Variants in PTPRT observed in about 807,000 individuals in gnomAD.
The protein encoded by PTPRT is protein tyrosine phosphatase receptor type T.
Under a neutral mutation model 176.8 loss-of-function variants are expected in PTPRT, and 56 were observed. That is an observed-to-expected ratio of 0.32 (90% CI 0.26 to 0.40). The LOEUF is 0.40. Ranked by LOEUF, PTPRT falls within the 10% of genes least tolerant of loss-of-function variation. The pLI, the probability that PTPRT is intolerant of heterozygous loss-of-function variation, is 1.00. For synonymous variants in PTPRT, 783 were observed against 739.0 expected, an observed-to-expected ratio of 1.06 and a Z score of -0.96; for missense variants, 1,540 against 1,908.2, an observed-to-expected ratio of 0.81 and a Z score of 3.60.
chr20:42,514,715 A>G (rs985949989), intron 7 of PTPRT, among the ~76,000 whole-genome samples: 2 of 152,226 alleles, frequency 1.3e-5, no homozygotes, highest in African/African-American at 4.8e-5. Context: ...CCTTTTATAA[A>G]TAAGACATTT....
chr20:42,966,487 C>G (rs532708104), intron 1 of PTPRT: 2 of 152,172 alleles, frequency 1.3e-5, no homozygotes, highest in Non-Finnish European at 2.9e-5. Flanking sequence ...CCATCCATTT[C>G]CCCCAGAGAC....
chr20:42,352,719 T>A (rs952197607), intron 9 of PTPRT, among the ~76,000 whole-genome samples: 2 of 152,234 alleles, frequency 1.3e-5, no homozygotes, highest in African/African-American at 4.8e-5. Flanking sequence ...TAAAAGGGTA[T>A]AATTGGATTG....
At chr20:42,642,400 A>T (rs150481679) in intron 7 of PTPRT, among the ~76,000 whole-genome samples, 1 of 152,210 alleles carries the variant, frequency 6.6e-6, no homozygotes, top group Admixed American at 6.5e-5. Context: ...CCTGAGTCTC[A>T]GTGACTTATT....
At chr20:43,181,524 T>C (rs779323865) in intron 1 of PTPRT, among the ~76,000 whole-genome samples, 2 of 152,212 alleles carry the variant, frequency 1.3e-5, no homozygotes, top group Non-Finnish European at 2.9e-5. Flanking sequence ...AGCTTCTCAG[T>C]AATACTCACT....
chr20:42,759,403 C>T (rs148900347), intron 5 of PTPRT, among the ~76,000 whole-genome samples: 189 of 152,318 alleles, frequency 1.2e-3, no homozygotes, highest in African/African-American at 4.2e-3. Context: ...TGGTGGCTCA[C>T]GCCTGTAATC....
At chr20:43,084,289 T>G (rs1449248728) in intron 1 of PTPRT, among the ~76,000 whole-genome samples, 2 of 152,202 alleles carry the variant, frequency 1.3e-5, no homozygotes, top group Non-Finnish European at 2.9e-5. Flanking sequence ...TTCACATTGC[T>G]ATGAAGACAT....
intron 9 of PTPRT, among the ~76,000 whole-genome samples, chr20:42,433,809 T>C (rs776370166): frequency 7.2e-5 from 11 of 152,172 alleles, no homozygotes; most frequent in Non-Finnish European, 1.2e-4. Flanking sequence ...CGCATGTGAA[T>C]GCCACTGCCT....
At chr20:42,225,386 T>C (rs1485512089) in intron 15 of PTPRT, among the ~76,000 whole-genome samples, 1 of 152,150 alleles carries the variant, frequency 6.6e-6, no homozygotes, top group East Asian at 1.9e-4. Context: ...TCCCATGAAT[T>C]GAACACTACC....
intron 18 of PTPRT, among the ~76,000 whole-genome samples, chr20:42,140,435 C>G (rs995796622): frequency 1.3e-5 from 2 of 152,304 alleles, no homozygotes; most frequent in South Asian, 4.1e-4. Context: ...ACTTTGAAGG[C>G]TGTACCTACG....
At chr20:43,058,215 A>T (rs1177340832) in intron 1 of PTPRT, among the ~76,000 whole-genome samples, 2 of 152,118 alleles carry the variant, frequency 1.3e-5, no homozygotes, top group Non-Finnish European at 2.9e-5. Context: ...TAAAAAAAGT[A>T]AGAGGGGAGG....
At chr20:42,844,394 C>T (rs895785610) in intron 2 of PTPRT, among the ~76,000 whole-genome samples, 2 of 152,312 alleles carry the variant, frequency 1.3e-5, no homozygotes, top group Admixed American at 6.5e-5. Flanking sequence ...AAGCTCCCAC[C>T]GCCATAGCAT....
rs539596397 is a variant in PTPRT, at chr20:42,379,406, G to A, written c.1561-27121C>T. On this transcript the variant is annotated intron_variant, in intron 9 of 30. Coordinates refer to ENST00000373187, the MANE Select transcript of PTPRT (RefSeq NM_007050.6). ...ACAGAAGAGGAAAACAAAGAAAAAT[G>A]AGTGGGAGTGCCTTGGTATAACTAT... Among the ~76,000 whole-genome samples, 9 of 152,350 alleles carry A rather than the reference G, an allele frequency of 5.9e-5. No individual in the cohort carries two copies. The South Asian group carries it at 1.9e-3, about 32-fold the overall frequency.
intron 1 of PTPRT, among the ~76,000 whole-genome samples, chr20:43,056,118 C>G (rs927547842): frequency 7.2e-5 from 11 of 152,072 alleles, no homozygotes; most frequent in African/African-American, 2.4e-4. Context: ...AAAACCTGAA[C>G]TCTTGGGTCC....
At chr20:42,621,857 A>C (rs1405997123) in intron 7 of PTPRT, among the ~76,000 whole-genome samples, 4 of 152,148 alleles carry the variant, frequency 2.6e-5, no homozygotes, top group Admixed American at 6.5e-5. Flanking sequence ...CCTACATCCA[A>C]TAATAGTTAT....
chr20:43,132,194 A>G lies in PTPRT; in HGVS notation c.88+57452T>C, dbSNP rs575667110. Among the ~76,000 whole-genome samples, 19 of 152,312 alleles carry G rather than the reference A, an allele frequency of 1.2e-4. No individual in the cohort carries two copies. In the East Asian group the frequency reaches 2.7e-3, roughly 22 times the overall value. On this transcript the variant is annotated intron_variant, in intron 1 of 30. Transcript: ENST00000373187. Reference sequence around the variant, plus strand: ...CAATTAGATAAGAACAAAATAATATAATGAAAAAGAGATAGTAAAACTATC... The same window carrying G: ...CAATTAGATAAGAACAAAATAATATGATGAAAAAGAGATAGTAAAACTATC...
chr20:42,144,302 T>A (rs1458916694), intron 17 of PTPRT, among the ~76,000 whole-genome samples: 1 of 152,104 alleles, frequency 6.6e-6, no homozygotes, highest in Non-Finnish European at 1.5e-5. Context: ...CATAAAGTGC[T>A]TAGTAGAGTG....
intron 4 of PTPRT, among the ~76,000 whole-genome samples, chr20:42,773,402 C>T (rs560978140): frequency 1.3e-5 from 2 of 152,104 alleles, no homozygotes; most frequent in South Asian, 2.1e-4. Flanking sequence ...GGACTTTACA[C>T]GTCATATCTC....
the PTPRT span, chr20:42,063,897 T>C: frequency 7.9e-5 from 12 of 152,144 alleles, no homozygotes; most frequent in African/African-American, 2.6e-4. Context: ...AATTAAAAAA[T>C]TAAGCAAATG....
chr20:42,647,429 C>CA (rs1414405725), intron 7 of PTPRT, among the ~76,000 whole-genome samples: 2 of 152,246 alleles, frequency 1.3e-5, no homozygotes, highest in Non-Finnish European at 2.9e-5. Context: ...GGTGTCCCGT[C>CA]AACAGCCCAG....
Sources: allele counts gnomAD v4.1 joint callset (sites outside exome capture counted in the v4.1 genomes callset), GRCh38; gene constraint gnomAD v4.1.1; transcripts MANE v1.5; gene names NCBI Gene and HGNC (gene_info 2026-07-23, HGNC 2026-07-21).